Variants in PCDHA10 observed in about 807,000 individuals in gnomAD.
PCDHA10 encodes protocadherin alpha 10.
In PCDHA10, 45 loss-of-function variants were observed where a neutral mutation model predicts 61.2. That is an observed-to-expected ratio of 0.74 (90% CI 0.58 to 0.94). The LOEUF (loss-of-function observed/expected upper bound fraction) is 0.94. Ranked by LOEUF, PCDHA10 falls within the 40% of genes least tolerant of loss-of-function variation. The pLI is 0.00. For synonymous variants in PCDHA10, 602 were observed against 548.8 expected (o/e 1.10, Z -1.35); for missense variants, 1,278 against 1,236.2 (o/e 1.03, Z -0.51).
intron 1 of PCDHA10, chr5:140,867,456 T>C (rs1035822606): frequency 1.3e-5 from 2 of 152,154 alleles, no homozygotes; most frequent in African/African-American, 4.8e-5. Context: ...AGAGTTCTAG[T>C]GTTATGACAA....
rs565441433 is a variant in PCDHA10, at chr5:141,011,340, A to G, written c.*1403A>G. 6.5e-6 allele frequency: 1 copy of G among 153,828 alleles called. No homozygotes were observed. Among genetic ancestry groups the G allele is most frequent in the African/African-American group, 2.4e-5 (1 of 41,570 alleles). 9.5% of individuals were successfully genotyped at this position (153,828 alleles called of 1,614,324 possible). On this transcript the variant is annotated 3_prime_UTR_variant, in exon 4 of 4. Transcript: ENST00000307360. Reference sequence around the variant, plus strand: ...ACTAACACCTATGATGTTACCTGAAATCAATCTCCCATATGTATGCTGTAT... The same window carrying G: ...ACTAACACCTATGATGTTACCTGAAGTCAATCTCCCATATGTATGCTGTAT...
intron 1 of PCDHA10, chr5:140,882,154 A>C (rs2058976763): frequency 1.3e-6 from 2 of 1,505,976 alleles, no homozygotes; most frequent in Non-Finnish European, 1.8e-6. Flanking sequence ...AGAAAGCGGA[A>C]TACCTCTTGC....
At chr5:140,944,966 C>A (rs1554216639) in intron 1 of PCDHA10, among the ~76,000 whole-genome samples, 1 of 152,080 alleles carries the variant, frequency 6.6e-6, no homozygotes, top group Non-Finnish European at 1.5e-5. Context: ...ATTATCTTAA[C>A]CTCTCTGGTG....
intron 1 of PCDHA10, chr5:140,865,407 G>A (rs2048863469): frequency 6.6e-6 from 1 of 152,160 alleles, no homozygotes; most frequent in Non-Finnish European, 1.5e-5. Flanking sequence ...TGCTGAAAAG[G>A]AATTAGTAGT....
intron 1 of PCDHA10, among the ~76,000 whole-genome samples, chr5:140,932,536 T>G (rs1176427449): frequency 1.3e-5 from 2 of 151,940 alleles, no homozygotes. Flanking sequence ...TTCAAGGTGC[T>G]TTATTTAACA....
intron 3 of PCDHA10, among the ~76,000 whole-genome samples, chr5:140,995,684 A>T (rs2097694657): frequency 6.6e-6 from 1 of 152,144 alleles, no homozygotes; most frequent in Non-Finnish European, 1.5e-5. Flanking sequence ...ATTTTTTTTA[A>T]TTGTTAAATA....
Position 140,927,620 on chromosome 5 carries a change from C to T in PCDHA10, c.2389-51329C>T, listed in dbSNP as rs2153590504. 6.2e-7 allele frequency: 1 copy of T among 1,614,196 alleles called. No homozygotes were observed. ...CGCTCCGTATACCGCACCAAGGTTC[C>T]AGAGACTGCACCCAATGGGACTGTG... is the stretch of plus-strand genomic sequence containing the variant. On this transcript the variant is annotated intron_variant, in intron 1 of 3. Coordinates refer to ENST00000307360, the MANE Select transcript of PCDHA10 (RefSeq NM_018901.4).
chr5:140,945,001 G>GT (rs2093723326), intron 1 of PCDHA10, among the ~76,000 whole-genome samples: 1 of 151,990 alleles, frequency 6.6e-6, no homozygotes, highest in South Asian at 2.1e-4. Context: ...ACGGTTGTGG[G>GT]TCATGAATTA....
chr5:140,875,949 T>G (rs1306170767), intron 1 of PCDHA10: 3 of 1,614,214 alleles, frequency 1.9e-6, no homozygotes, highest in East Asian at 4.5e-5. Flanking sequence ...GCGCTTCTGA[T>G]GCGGATATCG....
rs995118768 is a variant in PCDHA10 at position 140,943,957 on chromosome 5, T to G, written c.2389-34992T>G. Among the ~76,000 whole-genome samples the G allele has an allele frequency of 2.6e-5, 4 of 152,224 alleles. No individual in the cohort carries two copies. The South Asian group carries it at 8.3e-4, about 32-fold the overall frequency. On this transcript the variant is annotated intron_variant, in intron 1 of 3. Coordinates refer to ENST00000307360, the MANE Select transcript of PCDHA10 (RefSeq NM_018901.4). ...TGTGGTTATAGGAGAAGCAGTGAAT[T>G]AAAGAGTTAAAGTAATTAAGAAAAC... is the stretch of plus-strand genomic sequence containing the variant.
chr5:140,863,572 A>T (rs2048074367), intron 1 of PCDHA10: 1 of 368,290 alleles, frequency 2.7e-6, no homozygotes, highest in African/African-American at 2.1e-5. Flanking sequence ...GAATATAAGT[A>T]CTGTAATCCT....
At chr5:141,001,253 C>T (rs896546841) in intron 3 of PCDHA10, among the ~76,000 whole-genome samples, 22 of 152,078 alleles carry the variant, frequency 1.4e-4, no homozygotes, top group African/African-American at 5.1e-4. Flanking sequence ...CCCTATGGGG[C>T]GGGCACTCTT....
chr5:140,875,234 T>C, intron 1 of PCDHA10: 1 of 867,742 alleles, frequency 1.2e-6, no homozygotes. Context: ...ATCTTTCTTG[T>C]ACTTACATAA....
At position 140,870,592 on chromosome 5, in the gene PCDHA10, C is replaced by T. The variant is rs202164332; in HGVS notation, c.2388+12156C>T. The T allele has an allele frequency of 8.8e-4, 1,421 of 1,613,554 alleles. 8 individuals carry two copies. The African/African-American group carries it at 0.017, about 19-fold the overall frequency. On this transcript the variant is annotated intron_variant, in intron 1 of 3. Coordinates refer to ENST00000307360, the MANE Select transcript of PCDHA10 (RefSeq NM_018901.4). ...GGTGTCCTACTCGCTGGTGGAGCGGCGGTTGGGCGACCGCGCGCTGTCGAG... is the reference window on the plus strand; with the variant it reads ...GGTGTCCTACTCGCTGGTGGAGCGGTGGTTGGGCGACCGCGCGCTGTCGAG...
chr5:140,966,984 G>C lies in PCDHA10; in HGVS notation c.2389-11965G>C, dbSNP rs1217682338. ...CTGGGGCTTGAGCTGCGGCGCTTGGGGCCGGGTTGCTTGCGCATCAACCAT... is the reference window on the plus strand; with the variant it reads ...CTGGGGCTTGAGCTGCGGCGCTTGGCGCCGGGTTGCTTGCGCATCAACCAT... On this transcript the variant is annotated intron_variant, in intron 1 of 3. Transcript: ENST00000307360. 21 of 1,603,802 alleles carry C rather than the reference G, an allele frequency of 1.3e-5. No homozygotes were observed. The East Asian group carries it at 4.5e-4, about 34-fold the overall frequency.
At chr5:140,869,718 T>A (rs1228223839) in intron 1 of PCDHA10, 19 of 1,613,290 alleles carry the variant, frequency 1.2e-5, no homozygotes, top group Non-Finnish European at 1.2e-5. Flanking sequence ...GAGAGAAAAC[T>A]CCGGAACTTA....
At chr5:140,947,969 C>T (rs1159851699) in intron 1 of PCDHA10, among the ~76,000 whole-genome samples, 1 of 151,182 alleles carries the variant, frequency 6.6e-6, no homozygotes, top group African/African-American at 2.4e-5. Context: ...TAAGTATGTG[C>T]TACTCATAGG....
At chr5:140,928,836 C>T (rs1554206380) in intron 1 of PCDHA10, 1 of 1,614,168 alleles carries the variant, frequency 6.2e-7, no homozygotes. Context: ...CACTTTCCTC[C>T]TCTGTCACTC....
chr5:140,934,912 T>C (rs534779508), intron 1 of PCDHA10, among the ~76,000 whole-genome samples: 1 of 152,318 alleles, frequency 6.6e-6, no homozygotes, highest in Admixed American at 6.5e-5. Context: ...GGAATAATTA[T>C]GGATTCACAT....
Sources: allele counts gnomAD v4.1 joint callset (sites outside exome capture counted in the v4.1 genomes callset), GRCh38; gene constraint gnomAD v4.1.1; transcripts MANE v1.5; gene names NCBI Gene and HGNC (gene_info 2026-07-23, HGNC 2026-07-21).